ELMO1: variants seen among roughly 807,000 people sequenced by gnomAD.
ELMO1 encodes the protein engulfment and cell motility protein 1.
A neutral mutation model predicts 98.9 loss-of-function variants in ELMO1; 26 were observed. That is an observed-to-expected ratio of 0.26 (90% CI 0.19 to 0.36). The LOEUF (loss-of-function observed/expected upper bound fraction) is 0.36, where lower values mean the gene tolerates loss of function less well. ELMO1 is among the 10% of genes least tolerant of loss of function. ELMO1 has a pLI of 1.00. For missense variants in ELMO1, 627 were observed against 935.2 expected (o/e 0.67, Z 4.30); for synonymous variants, 346 against 346.0 (o/e 1.00, Z 0.00).
At chr7:37,081,685 T>C (rs559303218) in intron 15 of ELMO1, among the ~76,000 whole-genome samples, 3 of 152,334 alleles carry the variant, frequency 2.0e-5, no homozygotes, top group East Asian at 3.9e-4. Flanking sequence ...GGGCCATGAT[T>C]ATGAGGTCTC....
chr7:37,286,529 A>T (rs1479739212), intron 4 of ELMO1, among the ~76,000 whole-genome samples: 3 of 152,230 alleles, frequency 2.0e-5, no homozygotes, highest in Non-Finnish European at 4.4e-5. Flanking sequence ...TATTATGGGC[A>T]TTACACTGGA....
intron 17 of ELMO1, among the ~76,000 whole-genome samples, chr7:36,888,996 C>T (rs999879062): frequency 6.6e-6 from 1 of 152,180 alleles, no homozygotes; most frequent in African/African-American, 2.4e-5. Flanking sequence ...TCCCATCATT[C>T]CCATCTTACA....
intron 16 of ELMO1, among the ~76,000 whole-genome samples, chr7:37,006,928 G>A (rs1584506216): frequency 6.6e-6 from 1 of 152,128 alleles, no homozygotes; most frequent in East Asian, 1.9e-4. Flanking sequence ...TAGTATAATT[G>A]ACACTGGTAA....
chr7:37,040,843 G>A (rs1373810320), intron 15 of ELMO1, among the ~76,000 whole-genome samples: 2 of 152,098 alleles, frequency 1.3e-5, no homozygotes, highest in East Asian at 1.9e-4. Context: ...TTGGGAGGCC[G>A]AGGTGGGCAG....
intron 1 of ELMO1, among the ~76,000 whole-genome samples, chr7:37,402,469 C>T (rs1415392126): frequency 2.6e-5 from 4 of 152,066 alleles, no homozygotes; most frequent in South Asian, 2.1e-4. Context: ...CTTGGTGTTT[C>T]CCCTTCCTCT....
intron 14 of ELMO1, among the ~76,000 whole-genome samples, chr7:37,129,876 C>A (rs562163660): frequency 6.6e-6 from 1 of 152,298 alleles, no homozygotes; most frequent in South Asian, 2.1e-4. Flanking sequence ...ACTGAAGTAG[C>A]ACATTTGCCT....
At chr7:37,030,018 T>C (rs1268253495) in intron 15 of ELMO1, among the ~76,000 whole-genome samples, 1 of 152,166 alleles carries the variant, frequency 6.6e-6, no homozygotes, top group Admixed American at 6.5e-5. Context: ...TATAATCCAA[T>C]CACAGACATT....
intron 13 of ELMO1, among the ~76,000 whole-genome samples, chr7:37,154,702 A>G (rs6462735): frequency 0.95 from 145,149 of 152,304 alleles, 69,502 homozygotes; most frequent in Non-Finnish European, 1. Flanking sequence ...GCACCTGCAA[A>G]TGACGGGGAG....
intron 13 of ELMO1, among the ~76,000 whole-genome samples, chr7:37,183,699 C>G (rs559406212): frequency 7.0e-6 from 1 of 142,828 alleles, no homozygotes; most frequent in Non-Finnish European, 1.5e-5. Flanking sequence ...AACTTTCTCA[C>G]TTCACTAAGT....
intron 15 of ELMO1, among the ~76,000 whole-genome samples, chr7:37,051,788 A>C (rs1272678996): frequency 1.3e-5 from 2 of 152,178 alleles, no homozygotes; most frequent in African/African-American, 4.8e-5. Flanking sequence ...GTTTTTATAA[A>C]AGCTAATCTG....
At chr7:37,326,860 C>T (rs1799848217) in intron 2 of ELMO1, among the ~76,000 whole-genome samples, 1 of 152,120 alleles carries the variant, frequency 6.6e-6, no homozygotes, top group South Asian at 2.1e-4. Flanking sequence ...ATTGTATTTC[C>T]CTTCAATTGG....
chr7:37,221,421 C>G (rs931695719), intron 10 of ELMO1, among the ~76,000 whole-genome samples: 13 of 152,284 alleles, frequency 8.5e-5, no homozygotes, highest in African/African-American at 3.1e-4. Flanking sequence ...AGCTCCCCAG[C>G]ATAGTTTCTA....
At chr7:37,281,207 C>T (rs1667235411) in intron 4 of ELMO1, among the ~76,000 whole-genome samples, 1 of 149,478 alleles carries the variant, frequency 6.7e-6, no homozygotes, top group Non-Finnish European at 1.5e-5. Flanking sequence ...AAGAATGATA[C>T]AATGGACTGT....
rs201784212 is a variant in ELMO1 at position 36,868,326 on chromosome 7, GCTT to G, written c.1905+2064_1905+2066del. Reference sequence around the variant, plus strand: ...AACTTGTTGATTTCCGCTTTGTTCTGCTTCTTCTTCTTCTTCTTCTTCTTTTTT... The same window carrying G: ...AACTTGTTGATTTCCGCTTTGTTCTGCTTCTTCTTCTTCTTCTTCTTTTTT... On this transcript the variant is annotated intron_variant, in intron 20 of 21. Coordinates refer to ENST00000310758, the MANE Select transcript of ELMO1 (RefSeq NM_014800.11). Among the ~76,000 whole-genome samples the G allele has an allele frequency of 8.0e-3, 1,101 of 138,036 alleles. 16 individuals are homozygous for G. Among genetic ancestry groups the G allele is most frequent in the African/African-American group, 0.029 (1,026 of 35,928 alleles). The allele number at this position is 138,036 out of a possible 152,430, so 90.6% of individuals were successfully genotyped here.
At chr7:37,411,027 T>C (rs913596451) in intron 1 of ELMO1, among the ~76,000 whole-genome samples, 1 of 152,170 alleles carries the variant, frequency 6.6e-6, no homozygotes, top group Non-Finnish European at 1.5e-5. Flanking sequence ...ACTTACACAT[T>C]TTCATAATAA....
rs184867120 is a variant in ELMO1, at chr7:37,228,268, G to A, written c.550-3238C>T. Among the ~76,000 whole-genome samples the A allele has an allele frequency of 7.2e-5, 11 of 152,280 alleles. No homozygotes were observed. The East Asian group carries it at 2.1e-3, about 29-fold the overall frequency. ...TAACTGAATGTATAAATTAGTTAAT[G>A]GACACATGTCTCTACGTCCAGTTTG... On this transcript the variant is annotated intron_variant, in intron 8 of 21. Coordinates refer to ENST00000310758, the MANE Select transcript of ELMO1 (RefSeq NM_014800.11).
At chr7:37,388,691 T>C (rs1802928136) in intron 1 of ELMO1, among the ~76,000 whole-genome samples, 2 of 151,264 alleles carry the variant, frequency 1.3e-5, no homozygotes, top group South Asian at 4.2e-4. Flanking sequence ...CTCCCAGTGC[T>C]TTGGGAGGCT....
intron 9 of ELMO1, 61 bp from the exon 10 acceptor site, chr7:37,222,754 G>T: frequency 6.6e-7 from 1 of 1,505,844 alleles, no homozygotes; most frequent in South Asian, 1.2e-5. Context: ...GCTAGCCCTG[G>T]GTCAAACCAT....
intron 13 of ELMO1, among the ~76,000 whole-genome samples, chr7:37,201,318 A>G (rs760315569): frequency 2.6e-5 from 4 of 152,068 alleles, no homozygotes; most frequent in Non-Finnish European, 2.9e-5. Flanking sequence ...ACCCCCAAAT[A>G]CATTATTATT....
Sources: allele counts gnomAD v4.1 joint callset (sites outside exome capture counted in the v4.1 genomes callset), GRCh38; gene constraint gnomAD v4.1.1; transcripts MANE v1.5; gene names NCBI Gene and HGNC (gene_info 2026-07-23, HGNC 2026-07-21).